Variants in PCDH15 observed in about 807,000 individuals in gnomAD.
The protein encoded by PCDH15 is protocadherin related 15.
A neutral mutation model predicts 178.5 loss-of-function variants in PCDH15; 129 were observed. The ratio of observed to expected loss-of-function variants is 0.72; its 90% confidence interval spans 0.63 to 0.84. PCDH15 has a LOEUF of 0.84. Among genes scored for constraint, PCDH15 ranks in the 40% least tolerant of loss-of-function variants. The pLI is 0.00. For missense variants in PCDH15, 2,230 were observed against 2,099.9 expected, an observed-to-expected ratio of 1.06 and a Z score of -1.21; for synonymous variants, 800 against 732.0, an observed-to-expected ratio of 1.09 and a Z score of -1.50.
At chr10:54,579,883 C>T (rs549417198) in intron 2 of PCDH15, among the ~76,000 whole-genome samples, 24 of 151,980 alleles carry the variant, frequency 1.6e-4, no homozygotes, top group South Asian at 8.3e-4. Flanking sequence ...GAAGGACTTT[C>T]AGATAAACAA....
At chr10:55,572,930 CAGAG>C (rs926828481) in intron 2 of PCDH15, among the ~76,000 whole-genome samples, 2 of 152,032 alleles carry the variant, frequency 1.3e-5, no homozygotes, top group Non-Finnish European at 2.9e-5. Flanking sequence ...AAAATTATCT[CAGAG>C]AGGTCACTAG....
chr10:55,104,678 G>T (rs2132049344), intron 2 of PCDH15, among the ~76,000 whole-genome samples: 1 of 152,268 alleles, frequency 6.6e-6, no homozygotes, highest in Non-Finnish European at 1.5e-5. Context: ...GTGGGCAATT[G>T]AAGTAGGTAC....
chr10:53,850,369 G>A (rs75108853), intron 28 of PCDH15, among the ~76,000 whole-genome samples: 5,912 of 152,102 alleles, frequency 0.039, 366 homozygotes, highest in African/African-American at 0.13. Context: ...GGTATCTTCA[G>A]TTCTGTAAAG....
chr10:54,033,421 G>T (rs1157816069), intron 18 of PCDH15, among the ~76,000 whole-genome samples: 1 of 151,788 alleles, frequency 6.6e-6, no homozygotes, highest in East Asian at 1.9e-4. Context: ...CATTGGAAAT[G>T]ATCTACCACC....
chr10:54,575,743 C>T (rs540163745), intron 2 of PCDH15, among the ~76,000 whole-genome samples: 1 of 152,078 alleles, frequency 6.6e-6, no homozygotes, highest in African/African-American at 2.4e-5. Flanking sequence ...TAGTAATAAA[C>T]AAGTCAACTG....
At chr10:54,302,416 C>G (rs1160697001) in intron 8 of PCDH15, among the ~76,000 whole-genome samples, 1 of 152,148 alleles carries the variant, frequency 6.6e-6, no homozygotes, top group African/African-American at 2.4e-5. Context: ...TGCTGAAATC[C>G]TAACCCTCAA....
chr10:55,006,989 T>G (rs72800085), intron 2 of PCDH15, among the ~76,000 whole-genome samples: 73 of 152,268 alleles, frequency 4.8e-4, no homozygotes, highest in Middle Eastern at 3.4e-3. Flanking sequence ...GTTCTGGTCA[T>G]GTAAAACTGT....
At chr10:54,532,772 A>C (rs2084063120) in intron 2 of PCDH15, among the ~76,000 whole-genome samples, 1 of 152,080 alleles carries the variant, frequency 6.6e-6, no homozygotes, top group Admixed American at 6.5e-5. Flanking sequence ...GAAAAAAAAA[A>C]ACAACTAATT....
At chr10:54,350,589 A>G (rs1047470542) in intron 5 of PCDH15, among the ~76,000 whole-genome samples, 4 of 152,238 alleles carry the variant, frequency 2.6e-5, no homozygotes, top group African/African-American at 7.2e-5. Context: ...ATGGGCAAAC[A>G]TGGGAGGTCT....
At chr10:53,807,342 ATGTAT>A (rs1219869860) in intron 37 of PCDH15, among the ~76,000 whole-genome samples, 1 of 152,116 alleles carries the variant, frequency 6.6e-6, no homozygotes, top group Non-Finnish European at 1.5e-5. Flanking sequence ...TGTTTGAAAA[ATGTAT>A]TGTTGAGTTG....
intron 3 of PCDH15, among the ~76,000 whole-genome samples, chr10:54,399,997 A>T (rs1322340441): frequency 6.6e-6 from 1 of 152,046 alleles, no homozygotes; most frequent in Non-Finnish European, 1.5e-5. Flanking sequence ...GAAAATCAGT[A>T]TTTAGTAAGT....
At chr10:54,394,286 A>G (rs181532632) in intron 3 of PCDH15, among the ~76,000 whole-genome samples, 38 of 151,876 alleles carry the variant, frequency 2.5e-4, no homozygotes, top group African/African-American at 7.8e-4. Flanking sequence ...AAATAAAATT[A>G]TCGGGGAACC....
At chr10:54,252,280 C>T (rs2056544548) in intron 8 of PCDH15, among the ~76,000 whole-genome samples, 1 of 152,140 alleles carries the variant, frequency 6.6e-6, no homozygotes, top group Admixed American at 6.6e-5. Context: ...ATGAGTAAAA[C>T]TAATGCAGAT....
intron 2 of PCDH15, among the ~76,000 whole-genome samples, chr10:54,572,915 C>A (rs1419760617): frequency 7.9e-5 from 12 of 152,072 alleles, no homozygotes; most frequent in Admixed American, 6.6e-4. Flanking sequence ...CAACTAAAAG[C>A]TCAGCCCCAG....
chr10:54,466,810 T>C lies in PCDH15; in HGVS notation c.157+61002A>G, dbSNP rs954305399. On this transcript the variant is annotated intron_variant, in intron 3 of 37. Transcript: ENST00000644397. ...AATCCACGAGCATGGAATCTTTCCA[T>C]TTGTTTGTGTCCTCTTCAATTGCTT... 2.6e-5 allele frequency among the ~76,000 whole-genome samples: 4 copies of C among 152,002 alleles called. No homozygotes were observed. The South Asian group carries it at 6.2e-4, about 24-fold the overall frequency.
At chr10:54,545,717 C>T (rs1209787745) in intron 2 of PCDH15, among the ~76,000 whole-genome samples, 1 of 152,106 alleles carries the variant, frequency 6.6e-6, no homozygotes, top group Non-Finnish European at 1.5e-5. Flanking sequence ...GCTAAAAGTA[C>T]TTATAATAGT....
chr10:55,076,739 T>A lies in PCDH15; in HGVS notation c.-80+89837A>T, dbSNP rs530675076. On this transcript the variant is annotated intron_variant, in intron 2 of 5. Coordinates refer to the PCDH15 transcript ENST00000458638. ...TCCCACAGTGCTAGGATTACAGGCA[T>A]GAGCCATCATGTGTGGCCTGTGACC... Among the ~76,000 whole-genome samples, 13 of 151,034 alleles carry A rather than the reference T, an allele frequency of 8.6e-5. No individual in the cohort carries two copies. In the Admixed American group the frequency reaches 8.6e-4, roughly 10 times the overall value.
At chr10:55,215,726 A>G (rs1840685855) in intron 1 of PCDH15, among the ~76,000 whole-genome samples, 1 of 152,026 alleles carries the variant, frequency 6.6e-6, no homozygotes, top group Non-Finnish European at 1.5e-5. Context: ...CAATGCAGTG[A>G]GCAATTTTAT....
chr10:53,860,523 G>A (rs998781757), intron 27 of PCDH15, among the ~76,000 whole-genome samples: 1 of 152,086 alleles, frequency 6.6e-6, no homozygotes, highest in Non-Finnish European at 1.5e-5. Context: ...TTGAGGCCAA[G>A]AGTTTGAGAG....
Sources: allele counts gnomAD v4.1 joint callset (sites outside exome capture counted in the v4.1 genomes callset), GRCh38; gene constraint gnomAD v4.1.1; transcripts MANE v1.5; gene names NCBI Gene and HGNC (gene_info 2026-07-23, HGNC 2026-07-21).